UBAP2: variants seen among roughly 807,000 people sequenced by gnomAD.
UBAP2 encodes the protein ubiquitin associated protein 2, also known as ubiquitin-associated protein 2.
In UBAP2, 75 loss-of-function variants were observed where a neutral mutation model predicts 139.6. The ratio of observed to expected loss-of-function variants is 0.54; its 90% CI spans 0.45 to 0.65. The LOEUF (loss-of-function observed/expected upper bound fraction) is 0.65, where lower values mean the gene tolerates loss of function less well. Among genes scored for constraint, UBAP2 ranks in the 30% least tolerant of loss-of-function variants. The pLI is 0.00. For synonymous variants in UBAP2, 526 were observed against 526.2 expected (o/e 1.00, Z 0.01); for missense variants, 1,368 against 1,369.6 (o/e 1.00, Z 0.02).
At chr9:33,938,488 A>T (rs1824791277) in intron 16 of UBAP2, among the ~76,000 whole-genome samples, 1 of 152,174 alleles carries the variant, frequency 6.6e-6, no homozygotes, top group Non-Finnish European at 1.5e-5. Context: ...TCAAAAACTT[A>T]TGTTGAAACA....
At chr9:33,983,174 G>A (rs1004708382) in intron 6 of UBAP2, among the ~76,000 whole-genome samples, 13 of 151,996 alleles carry the variant, frequency 8.6e-5, no homozygotes, top group Non-Finnish European at 1.3e-4. Context: ...CACGGTGCCC[G>A]GCCCCCCTAT....
intron 21 of UBAP2, 39 bp downstream of exon 21, chr9:33,926,950 G>T: frequency 6.3e-7 from 1 of 1,599,210 alleles, no homozygotes; most frequent in Non-Finnish European, 8.6e-7. Context: ...CCCGAGGCCA[G>T]GGGAGCTGGG....
chr9:33,968,396 A>C (rs1333223691), intron 8 of UBAP2: 1 of 567,926 alleles, frequency 1.8e-6, no homozygotes, highest in Non-Finnish European at 3.5e-6. Flanking sequence ...GGTGATGAGG[A>C]AGCAAGACAC....
rs958975802 is a variant in UBAP2 at position 33,922,510 on chromosome 9, T to C, written c.3354A>G (p.Thr1118=). 2 of 1,613,872 alleles carry C rather than the reference T, an allele frequency of 1.2e-6. No homozygotes were observed. ...CCACCCCTCTCTTCTGGGTTTAGTT[T>C]GTCCAGTATGGAGAGTTGCCGTAGG... ...KPAYGNSPYW[T]N The change falls in exon 29 of 29, where the codon ACA becomes ACG. Residue 1118 remains threonine, a synonymous_variant. Transcript: ENST00000379238.
chr9:33,954,703 C>A (rs1826404950), intron 11 of UBAP2, among the ~76,000 whole-genome samples: 2 of 151,578 alleles, frequency 1.3e-5, no homozygotes, highest in African/African-American at 4.8e-5. Context: ...GACAATGATC[C>A]CAGTAAATTC....
chr9:34,016,344 G>C (rs1291190866), intron 2 of UBAP2, among the ~76,000 whole-genome samples: 3 of 134,120 alleles, frequency 2.2e-5, no homozygotes, highest in Admixed American at 8.0e-5. Flanking sequence ...AGGAGGAAGA[G>C]GAGGAGGCAG....
chr9:33,923,880 G>A lies in UBAP2; in HGVS notation c.2711C>T (p.Pro904Leu), dbSNP rs78094214. Residue 904 changes from proline (P) to leucine (L), a missense_variant, in exon 24 of 29, where the codon CCT becomes CTT. Coordinates refer to ENST00000379238, the MANE Select transcript of UBAP2 (RefSeq NM_001370062.2). Reference protein sequence around the residue: ...HHTAQQPFVNPALPPGYSYTG... With the variant: ...HHTAQQPFVNLALPPGYSYTG... ...GTAGCTATAGCCAGGTGGCAGTGCA[G>A]GATTCACGAAGGGCTGCTGGGCTGT... 1 of 1,614,224 alleles carries A rather than the reference G, an allele frequency of 6.2e-7. No individual in the cohort carries two copies. Among genetic ancestry groups the A allele is most frequent in the Non-Finnish European group, 8.5e-7 (1 of 1,180,036 alleles).
chr9:33,923,924 G>T lies in UBAP2; in HGVS notation c.2667C>A (p.Ser889Arg), dbSNP rs767130194. 6.2e-7 allele frequency: 1 copy of T among 1,614,064 alleles called. No homozygotes were observed. Among genetic ancestry groups the T allele is most frequent in the African/African-American group, 1.3e-5 (1 of 74,926 alleles). ...PATTPAQPQQ[S>R]QSQTHHTAQQ... ...GGGCTGTGTGGTGGGTCTGTGATTG[G>T]CTCTGCTGTGGCTGAGCTGGTGTGG... The change falls in exon 24 of 29, where the codon AGC becomes AGA. Residue 889 changes from serine (S) to arginine (R), a missense_variant. By Grantham distance (110) the Ser-to-Arg change is moderately radical. Transcript: ENST00000379238.
intron 16 of UBAP2, among the ~76,000 whole-genome samples, chr9:33,938,308 T>C (rs1288503171): frequency 6.6e-6 from 1 of 151,986 alleles, no homozygotes; most frequent in Non-Finnish European, 1.5e-5. Context: ...TTTGTATTTT[T>C]TGTAGAGACA....
At chr9:34,044,595 T>C (rs1263560513) in intron 1 of UBAP2, among the ~76,000 whole-genome samples, 1 of 151,940 alleles carries the variant, frequency 6.6e-6, no homozygotes, top group African/African-American at 2.4e-5. Flanking sequence ...CCAGGTGTGG[T>C]GGCTCACGCA....
intron 1 of UBAP2, among the ~76,000 whole-genome samples, chr9:34,036,363 C>T (rs1433578444): frequency 6.6e-6 from 1 of 152,072 alleles, no homozygotes; most frequent in Non-Finnish European, 1.5e-5. Flanking sequence ...GTGATCTGCC[C>T]GTCTCGGCCT....
intron 2 of UBAP2, among the ~76,000 whole-genome samples, chr9:34,008,414 G>A (rs994876913): frequency 6.6e-6 from 1 of 151,820 alleles, no homozygotes; most frequent in Non-Finnish European, 1.5e-5. Context: ...AGGATGGTGT[G>A]TGGAAGCAAT....
At chr9:34,038,157 A>G in intron 1 of UBAP2, among the ~76,000 whole-genome samples, 1 of 150,794 alleles carries the variant, frequency 6.6e-6, no homozygotes, top group Non-Finnish European at 1.5e-5. Flanking sequence ...AAAAAAAAAA[A>G]AAAAAAAAAA....
chr9:34,009,567 G>A (rs1823564234), intron 2 of UBAP2, among the ~76,000 whole-genome samples: 1 of 151,818 alleles, frequency 6.6e-6, no homozygotes, highest in African/African-American at 2.4e-5. Flanking sequence ...GGTTCAAAAT[G>A]TTTTTTTATT....
chr9:33,923,065 GT>G (rs765096791), intron 26 of UBAP2, 32 bp from the exon 27 acceptor site: 8 of 1,613,796 alleles, frequency 5.0e-6, no homozygotes, highest in African/African-American at 1.3e-5. Flanking sequence ...CCCCACAGCA[GT>G]TGTTCCCAGC....
chr9:34,026,255 AG>A (rs1825393029), intron 1 of UBAP2, among the ~76,000 whole-genome samples: 2 of 152,208 alleles, frequency 1.3e-5, no homozygotes, highest in Admixed American at 1.3e-4. Flanking sequence ...TATTTAAGAC[AG>A]CATCACAAAG....
chr9:33,976,706 T>C (rs1828374859), intron 6 of UBAP2, among the ~76,000 whole-genome samples: 1 of 152,144 alleles, frequency 6.6e-6, no homozygotes, highest in African/African-American at 2.4e-5. Flanking sequence ...AAGAATATTT[T>C]CTTTCTTAGG....
At position 33,941,679 on chromosome 9, in the gene UBAP2, A is replaced by G. The variant is rs1825218882; in HGVS notation, c.1899T>C (p.Ser633=). The G allele has an allele frequency of 6.2e-7, 1 of 1,614,010 alleles. No homozygotes were observed. The highest frequency in any genetic ancestry group is 1.7e-5 in the Admixed American group (1 of 60,000). ...HNRIPYQSPV[S]SSESAPGTIM... The stretch of plus-strand genomic sequence containing the variant: ...TGGTTCCTGGAGCTGACTCTGATGA[A>G]CTCACAGGGCTTTGGTATGGGATCC... Residue 633 remains serine, a synonymous_variant, in exon 16 of 29, where the codon AGT becomes AGC. Transcript: ENST00000379238.
chr9:33,990,289 T>C (rs186549882), intron 4 of UBAP2, among the ~76,000 whole-genome samples: 1 of 152,238 alleles, frequency 6.6e-6, no homozygotes, highest in African/African-American at 2.4e-5. Flanking sequence ...AAAACAAAAT[T>C]TGACATTATA....
Sources: allele counts gnomAD v4.1 joint callset (sites outside exome capture counted in the v4.1 genomes callset), GRCh38; gene constraint gnomAD v4.1.1; transcripts MANE v1.5; gene names NCBI Gene and HGNC (gene_info 2026-07-23, HGNC 2026-07-21).